SDR16C5: variants seen among roughly 807,000 people sequenced by gnomAD.
SDR16C5 encodes epidermal retinol dehydrogenase 2.
Under a neutral mutation model 27.7 loss-of-function variants are expected in SDR16C5, and 20 were observed. The observed-to-expected ratio is 0.72, with a 90% CI of 0.51 to 1.05. The LOEUF is 1.05. Among genes scored for constraint, SDR16C5 ranks in the 50% least tolerant of loss-of-function variants. The probability of loss-of-function intolerance (pLI) is 0.00; values close to 1 mark genes in which losing one functional copy is unlikely to be tolerated. For missense variants in SDR16C5, 374 were observed against 366.3 expected, an observed-to-expected ratio of 1.02 and a Z score of -0.17; for synonymous variants, 139 against 132.3, an observed-to-expected ratio of 1.05 and a Z score of -0.35.
intron 4 of SDR16C5, among the ~76,000 whole-genome samples, chr8:56,307,741 C>G (rs1394245982): frequency 6.6e-6 from 1 of 152,160 alleles, no homozygotes; most frequent in Non-Finnish European, 1.5e-5. Context: ...CCCTTGACCC[C>G]TGAGATTCTG....
At position 56,316,294 on chromosome 8, in the gene SDR16C5, T is replaced by C; in HGVS notation, c.54A>G (p.Ser18=). ...TCATAGCCTCCAGAAGACTAAACAG[T>C]GATTTTCCTAAGAAAATGAACAGTT... is the stretch of plus-strand genomic sequence containing the variant. The part of the protein sequence containing the change: ...SKKLFIFLGK[S]LFSLLEAMIF... The change falls in exon 2 of 7, where the codon TCA becomes TCG. Residue 18 remains serine (S), a synonymous_variant. Coordinates refer to ENST00000303749, the MANE Select transcript of SDR16C5 (RefSeq NM_138969.4). The C allele has an allele frequency of 6.2e-7, 1 of 1,614,036 alleles. No individual in the cohort carries two copies. Among genetic ancestry groups the C allele is most frequent in the Non-Finnish European group, 8.5e-7 (1 of 1,179,902 alleles).
chr8:56,311,785 CCTGT>C (rs1248927393), intron 3 of SDR16C5, among the ~76,000 whole-genome samples: 1 of 152,198 alleles, frequency 6.6e-6, no homozygotes, highest in East Asian at 1.9e-4. Flanking sequence ...CTACCCTGGT[CCTGT>C]CTAAGTGCAG....
intron 1 of SDR16C5, among the ~76,000 whole-genome samples, chr8:56,318,010 T>C (rs1238996015): frequency 1.3e-5 from 2 of 152,112 alleles, no homozygotes; most frequent in Non-Finnish European, 2.9e-5. Flanking sequence ...TGCAGTGTGC[T>C]ATGGAGAGGA....
At chr8:56,303,886 C>A in intron 6 of SDR16C5, 1 of 692,860 alleles carries the variant, frequency 1.4e-6, no homozygotes, top group Non-Finnish European at 2.6e-6. Context: ...TTACACGAAT[C>A]TACAAGCTAC....
intron 6 of SDR16C5, chr8:56,303,861 C>G: frequency 3.0e-6 from 2 of 665,798 alleles, no homozygotes; most frequent in South Asian, 3.3e-5. Context: ...CACACCCTGC[C>G]CAATAAACAG....
chr8:56,313,434 A>C (rs1054171789), intron 2 of SDR16C5, among the ~76,000 whole-genome samples: 1 of 152,360 alleles, frequency 6.6e-6, no homozygotes, highest in Non-Finnish European at 1.5e-5. Flanking sequence ...GAGTGTACTT[A>C]ATAAACCTAG....
intron 6 of SDR16C5, 121 bp downstream of exon 6, chr8:56,305,476 A>T: frequency 2.3e-6 from 2 of 886,126 alleles, no homozygotes; most frequent in Non-Finnish European, 3.3e-6. Context: ...AACAGGACTT[A>T]ATAGAATTAA....
intron 5 of SDR16C5, 37 bp downstream of exon 5, chr8:56,306,639 A>C: frequency 6.6e-7 from 1 of 1,514,046 alleles, no homozygotes; most frequent in Non-Finnish European, 8.9e-7. Flanking sequence ...AACATTTTTA[A>C]GAGTGTAGAT....
intron 2 of SDR16C5, among the ~76,000 whole-genome samples, chr8:56,312,974 C>T (rs909375398): frequency 3.3e-5 from 5 of 152,032 alleles, no homozygotes; most frequent in Non-Finnish European, 7.4e-5. Context: ...GACAGGTTTT[C>T]ACCGTGTTAG....
chr8:56,310,838 G>C (rs1815028303), intron 3 of SDR16C5, among the ~76,000 whole-genome samples: 1 of 152,078 alleles, frequency 6.6e-6, no homozygotes, highest in Admixed American at 6.6e-5. Flanking sequence ...GGGACATTTG[G>C]GACAAGATAA....
At chr8:56,315,785 T>C (rs1815177385) in intron 2 of SDR16C5, among the ~76,000 whole-genome samples, 1 of 152,200 alleles carries the variant, frequency 6.6e-6, no homozygotes, top group Non-Finnish European at 1.5e-5. Flanking sequence ...GTCTCCTTAC[T>C]TGTGAAATAG....
intron 6 of SDR16C5, among the ~76,000 whole-genome samples, chr8:56,302,037 T>C (rs918025038): frequency 6.6e-6 from 1 of 152,204 alleles, no homozygotes; most frequent in African/African-American, 2.4e-5. Flanking sequence ...TGAGATGCAA[T>C]AGCTCCTCAA....
At position 56,306,686 on chromosome 8, in the gene SDR16C5, A is replaced by G. The variant is rs1814890856; in HGVS notation, c.700T>C (p.Cys234Arg). ...AAAGGACATACTTACCCTGTAGTAC[A>G]ACCTTCAAACATTCCAGTTTTTATA... ...FFIKTGMFEG[C>R]TTGCPSLLPI... Residue 234 changes from cysteine (C) to arginine (R), a missense_variant, in exon 5 of 7, where the codon TGT becomes CGT. By Grantham distance (180) the Cys-to-Arg change is radical. Coordinates refer to ENST00000303749, the MANE Select transcript of SDR16C5 (RefSeq NM_138969.4). The G allele has an allele frequency of 1.2e-6, 2 of 1,611,140 alleles. No homozygotes were observed. Among genetic ancestry groups the G allele is most frequent in the Admixed American group, 1.7e-5 (1 of 59,464 alleles).
rs750469647 is a variant in SDR16C5, at chr8:56,305,759, G to C, written c.711-37C>G. The stretch of plus-strand genomic sequence containing the variant: ...AATGACAACAATTAAAAAAAACCCT[G>C]AAGGCCAAATTCATAAATAAAGATA... On this transcript the variant is annotated intron_variant, in intron 5 of 6. Transcript: ENST00000303749. The C allele has an allele frequency of 2.6e-6, 4 of 1,556,642 alleles. No individual in the cohort carries two copies. The Admixed American group carries it at 9.0e-5, about 35-fold the overall frequency.
intron 2 of SDR16C5, among the ~76,000 whole-genome samples, chr8:56,313,738 T>C (rs972028644): frequency 6.6e-6 from 1 of 152,190 alleles, no homozygotes; most frequent in African/African-American, 2.4e-5. Context: ...CTGTCCTGTT[T>C]TCATCAACTG....
At position 56,312,837 on chromosome 8, in the gene SDR16C5, C is replaced by A. The variant is rs370404745; in HGVS notation, c.334-549G>T. On this transcript the variant is annotated intron_variant, in intron 2 of 6. Transcript: ENST00000303749. The stretch of plus-strand genomic sequence containing the variant: ...TGTCGACCAGGCTGGAGTGCAGTGG[C>A]ACGATCTTGGCTCACTGCAAGCTCC... Among the ~76,000 whole-genome samples the A allele has an allele frequency of 3.8e-4, 56 of 147,926 alleles. No individual in the cohort carries two copies. In the East Asian group the frequency reaches 0.01, roughly 27 times the overall value.
At position 56,316,074 on chromosome 8, in the gene SDR16C5, C is replaced by T; in HGVS notation, c.274G>A (p.Val92Met). 1.2e-6 allele frequency: 2 copies of T among 1,614,112 alleles called. No individual in the cohort carries two copies. Among genetic ancestry groups the T allele is most frequent in the Non-Finnish European group, 1.7e-6 (2 of 1,180,012 alleles). ...CTGCAATCGCAGGTATAGGCGTGCA[C>T]TCTTGTGGCTCCAGCTTCCCGAGCC... Reference protein sequence around the residue: ...KMAREAGATRVHAYTCDCSQK... With the variant: ...KMAREAGATRMHAYTCDCSQK... The change falls in exon 2 of 7, where the codon GTG becomes ATG. Residue 92 changes from valine to methionine, a missense_variant. Val to Met is a conservative substitution (Grantham distance 21). Transcript: ENST00000303749.
chr8:56,306,623 T>G (rs571223813), intron 5 of SDR16C5, 53 bp downstream of exon 5: 1 of 1,460,176 alleles, frequency 6.8e-7, no homozygotes, highest in Non-Finnish European at 9.2e-7. Context: ...CAAAATAAAA[T>G]AGCAAAACAT....
At chr8:56,313,536 T>C (rs117588765) in intron 2 of SDR16C5, among the ~76,000 whole-genome samples, 2 of 152,202 alleles carry the variant, frequency 1.3e-5, no homozygotes, top group African/African-American at 4.8e-5. Context: ...CTGAACACTG[T>C]AGGCAACTGT....
Sources: gnomAD v4.1 joint callset for allele counts (sites outside exome capture counted in the v4.1 genomes callset) on GRCh38, gnomAD v4.1.1 for gene constraint, MANE v1.5 for transcripts, NCBI Gene and HGNC (gene_info 2026-07-23, HGNC 2026-07-21) for gene names.